The following PHACTR3 variants were observed in gnomAD, a reference collection of about 807,000 sequenced individuals.
The protein encoded by PHACTR3 is protein phosphatase 1, regulatory subunit 123.
A neutral mutation model predicts 66.8 loss-of-function variants in PHACTR3; 16 were observed. That is an observed-to-expected ratio of 0.24 (90% confidence interval 0.16 to 0.36). The LOEUF (loss-of-function observed/expected upper bound fraction) is 0.36. PHACTR3 is among the 10% of genes least tolerant of loss of function. PHACTR3 has a pLI of 1.00. For missense variants in PHACTR3, 647 were observed against 719.9 expected (o/e 0.90, Z 1.16); for synonymous variants, 323 against 292.1 (o/e 1.11, Z -1.08).
intron 1 of PHACTR3, among the ~76,000 whole-genome samples, chr20:59,653,538 C>G (rs2035525634): frequency 6.6e-6 from 1 of 151,970 alleles, no homozygotes; most frequent in Non-Finnish European, 1.5e-5. Flanking sequence ...AACTGTATAT[C>G]CATAGTGGGG....
intron 4 of PHACTR3, among the ~76,000 whole-genome samples, chr20:59,761,761 T>G (rs2039999873): frequency 6.6e-6 from 1 of 152,136 alleles, no homozygotes; most frequent in Non-Finnish European, 1.5e-5. Context: ...CAGTAAGTCA[T>G]GAACTTGTGG....
At chr20:59,759,996 G>A (rs933950947) in intron 4 of PHACTR3, among the ~76,000 whole-genome samples, 1 of 152,154 alleles carries the variant, frequency 6.6e-6, no homozygotes, top group Admixed American at 6.5e-5. Context: ...GTCTGCAGTG[G>A]TGCTCATTGC....
chr20:59,617,603 G>C (rs1015381495), intron 1 of PHACTR3, among the ~76,000 whole-genome samples: 7 of 151,828 alleles, frequency 4.6e-5, no homozygotes, highest in African/African-American at 1.7e-4. Flanking sequence ...GAAATCTTTA[G>C]CAAGGAGGAG....
At chr20:59,627,731 T>C (rs1378475039) in intron 1 of PHACTR3, among the ~76,000 whole-genome samples, 1 of 152,242 alleles carries the variant, frequency 6.6e-6, no homozygotes, top group Non-Finnish European at 1.5e-5. Context: ...TCTGTGTATC[T>C]ATGTATGTAT....
At chr20:59,685,470 G>A (rs951668233) in intron 1 of PHACTR3, among the ~76,000 whole-genome samples, 1 of 152,140 alleles carries the variant, frequency 6.6e-6, no homozygotes, top group Non-Finnish European at 1.5e-5. Context: ...GTGTTGAAAG[G>A]ACCCGTCTGG....
chr20:59,663,776 A>T (rs2035895866), intron 1 of PHACTR3, among the ~76,000 whole-genome samples: 1 of 152,190 alleles, frequency 6.6e-6, no homozygotes, highest in Non-Finnish European at 1.5e-5. Flanking sequence ...TCTGAGCTGA[A>T]GTTATTTCCT....
intron 7 of PHACTR3, among the ~76,000 whole-genome samples, chr20:59,783,305 G>C (rs1416989096): frequency 2.0e-5 from 3 of 152,196 alleles, no homozygotes; most frequent in African/African-American, 7.2e-5. Context: ...ACGACCTGGT[G>C]GGCGTCTTGC....
chr20:59,831,170 C>T (rs576189645), intron 8 of PHACTR3, among the ~76,000 whole-genome samples: 26 of 152,254 alleles, frequency 1.7e-4, no homozygotes, highest in Middle Eastern at 6.8e-3. Context: ...GGCTGGTGCC[C>T]CCTTGGCCCC....
chr20:59,817,011 C>CCATG (rs759184335), intron 8 of PHACTR3, among the ~76,000 whole-genome samples: 1 of 152,132 alleles, frequency 6.6e-6, no homozygotes, highest in Non-Finnish European at 1.5e-5. Flanking sequence ...GTCCATCCAT[C>CCATG]CATGCAACTG....
intron 1 of PHACTR3, among the ~76,000 whole-genome samples, chr20:59,669,363 A>G (rs1316837029): frequency 6.6e-6 from 1 of 152,162 alleles, no homozygotes; most frequent in Non-Finnish European, 1.5e-5. Context: ...GCTTTTCCTC[A>G]TTGCCTAATT....
At chr20:59,795,330 C>T (rs755643900) in intron 7 of PHACTR3, among the ~76,000 whole-genome samples, 5 of 151,956 alleles carry the variant, frequency 3.3e-5, no homozygotes, top group African/African-American at 4.8e-5. Context: ...TGGCTTTATA[C>T]CTTTGTAGTC....
chr20:59,623,269 C>T (rs894397842), intron 1 of PHACTR3, among the ~76,000 whole-genome samples: 3 of 151,930 alleles, frequency 2.0e-5, no homozygotes, highest in Non-Finnish European at 4.4e-5. Flanking sequence ...TGGTCCAGCC[C>T]GTGTTATGAC....
At chr20:59,689,098 T>G (rs1028403639) in intron 1 of PHACTR3, among the ~76,000 whole-genome samples, 2 of 152,202 alleles carry the variant, frequency 1.3e-5, no homozygotes, top group African/African-American at 4.8e-5. Context: ...ATGCGTGTCT[T>G]AAGAGCCAAC....
In PHACTR3 at chr20:59,830,152, ATGTGCGTGTCTGGTGGAAGAGGG is replaced by A. The variant is rs1267726956; in HGVS notation, c.1329-6340_1329-6318del. ...GAAAGAGGCTATGACAGACAGGAGC[ATGTGCGTGTCTGGTGGAAGAGGG>A]TGTGCGTGTCTGATGGAAGAGGGTA... is the stretch of plus-strand genomic sequence containing the variant. On this transcript the variant is annotated intron_variant, in intron 8 of 12. Transcript: ENST00000371015. The surrounding 1 kb of genome is among the most constrained non-coding windows in gnomAD (Gnocchi z 5.8). Among the ~76,000 whole-genome samples, 396 of 138,222 alleles carry A rather than the reference ATGTGCGTGTCTGGTGGAAGAGGG, an allele frequency of 2.9e-3. 4 individuals carry two copies. Among genetic ancestry groups the A allele is most frequent in the African/African-American group, 0.011 (356 of 31,344 alleles). The allele number at this position is 138,222 out of a possible 152,430, so 90.7% of individuals were successfully genotyped here. A position where few individuals can be genotyped will look rare whatever the true frequency, so the allele number is the denominator to read the frequency against.
chr20:59,839,988 T>C (rs2145508378), intron 9 of PHACTR3, among the ~76,000 whole-genome samples: 1 of 152,324 alleles, frequency 6.6e-6, no homozygotes, highest in East Asian at 1.9e-4. Flanking sequence ...ATTTACTTAG[T>C]CTACTACAGC....
At chr20:59,577,510 T>C (rs1466036397) in exon 1 of PHACTR3, 9 of 1,113,832 alleles carry the variant, frequency 8.1e-6, no homozygotes, top group Middle Eastern at 3.8e-4. Context: ...TCCGGCGGGA[T>C]GCGTGGCCGT....
intron 1 of PHACTR3, among the ~76,000 whole-genome samples, chr20:59,700,095 G>A (rs909580803): frequency 3.3e-5 from 5 of 152,174 alleles, no homozygotes; most frequent in Admixed American, 6.5e-5. Context: ...GGATTTATTC[G>A]TGTTATTCAC....
chr20:59,621,183 C>CTCAGGGGCTG (rs2034222524), intron 1 of PHACTR3, among the ~76,000 whole-genome samples: 1 of 152,238 alleles, frequency 6.6e-6, no homozygotes, highest in Non-Finnish European at 1.5e-5. Context: ...GGAAGGTGCT[C>CTCAGGGGCTG]TCAGGGGCTG....
intron 1 of PHACTR3, among the ~76,000 whole-genome samples, chr20:59,697,225 G>C (rs1457134724): frequency 6.6e-6 from 1 of 152,182 alleles, no homozygotes; most frequent in African/African-American, 2.4e-5. Flanking sequence ...CCCAGAGCCT[G>C]TTGACAAACA....
Sources: gnomAD v4.1 joint callset for allele counts (sites outside exome capture counted in the v4.1 genomes callset) on GRCh38, gnomAD v4.1.1 for gene constraint, Gnocchi (gnomAD v3.1) non-coding constraint, MANE v1.5 for transcripts, NCBI Gene and HGNC (gene_info 2026-07-23, HGNC 2026-07-21) for gene names.